CRIP2: variants seen among roughly 807,000 people sequenced by gnomAD.
The protein encoded by CRIP2 is cysteine rich protein 2, also known as cysteine-rich protein 2.
Under a neutral mutation model 31.3 loss-of-function variants are expected in CRIP2, and 31 were observed. That is an observed-to-expected ratio of 0.99 (90% CI 0.74 to 1.34). The LOEUF is 1.34. Ranked by LOEUF, CRIP2 falls within the 40% of genes most tolerant of loss-of-function variation. The probability of loss-of-function intolerance (pLI) is 0.00; values close to 1 mark genes in which losing one functional copy is unlikely to be tolerated. For missense variants in CRIP2, 389 were observed against 301.6 expected, an observed-to-expected ratio of 1.29 and a Z score of -2.15; for synonymous variants, 177 against 127.2, an observed-to-expected ratio of 1.39 and a Z score of -2.63.
intron 5 of CRIP2, 28 bp from the exon 6 acceptor site, chr14:105,479,097 G>C: frequency 6.2e-7 from 1 of 1,605,474 alleles, no homozygotes; most frequent in Non-Finnish European, 8.5e-7. Context: ...CCGCCCCGGG[G>C]CTCGGCCTCA....
rs1555436314 is a variant in CRIP2, at chr14:105,478,239, G to A, written c.44-27G>A. ...GGGGTGCGGGGCGCGCCCCGGCCCT[G>A]ACCCCCCTGCCGCCCCTCCCGCTCA... On this transcript the variant is annotated intron_variant, in intron 1 of 7. Transcript: ENST00000329146. The surrounding 1 kb of genome is among the most constrained non-coding windows in gnomAD (Gnocchi z 4.9). 7 of 1,506,142 alleles carry A rather than the reference G, an allele frequency of 4.6e-6. No individual in the cohort carries two copies. Among genetic ancestry groups the A allele is most frequent in the South Asian group, 2.5e-5 (2 of 81,170 alleles). The allele number at this position is 1,506,142 out of a possible 1,614,324, so 93.3% of individuals were successfully genotyped here. A position where few individuals can be genotyped will look rare whatever the true frequency, so the allele number is the denominator to read the frequency against.
At chr14:105,474,769 G>A, upstream of CRIP2, 1 of 1,155,740 alleles carries the variant, frequency 8.7e-7, no homozygotes, top group Non-Finnish European at 1.1e-6. The surrounding 1 kb of genome is among the most constrained non-coding windows in gnomAD (Gnocchi z 5.1). Context: ...GAGCCAATGG[G>A]CGCGCGGACA....
At chr14:105,479,264 G>A (rs1317463314) in intron 6 of CRIP2, 45 bp downstream of exon 6, 1 of 1,555,598 alleles carries the variant, frequency 6.4e-7, no homozygotes, top group Non-Finnish European at 8.7e-7. Flanking sequence ...AGGGGCGCGG[G>A]GTCGGGGGGA....
intron 1 of CRIP2, chr14:105,475,845 A>AG (rs2083920780): frequency 5.1e-6 from 5 of 985,324 alleles, no homozygotes; most frequent in Non-Finnish European, 6.0e-6. Context: ...TGCTGCACGA[A>AG]GGGGGGCAGA....
chr14:105,478,133 G>T lies in CRIP2; in HGVS notation c.44-133G>T. 1 of 676,430 alleles carries T rather than the reference G, an allele frequency of 1.5e-6. No individual in the cohort carries two copies. The highest frequency in any genetic ancestry group is 2.0e-5 in the South Asian group (1 of 49,808). 41.9% of individuals were successfully genotyped at this position (676,430 alleles called of 1,614,324 possible). A position where few individuals can be genotyped will look rare whatever the true frequency, so the allele number is the denominator to read the frequency against. On this transcript the variant is annotated intron_variant, in intron 1 of 7. Transcript: ENST00000329146. The surrounding 1 kb of genome is among the most constrained non-coding windows in gnomAD (Gnocchi z 4.9). ...AAGGAGGGGCAGGGCCCGCCAGGTG[G>T]AAGGAAGGCGCCTGGGAGACCTCCT... is the stretch of plus-strand genomic sequence containing the variant.
upstream of CRIP2, chr14:105,473,644 C>A (rs1046928757): frequency 4.9e-6 from 6 of 1,217,278 alleles, no homozygotes; most frequent in African/African-American, 9.1e-5. Context: ...TCAGCTGGGG[C>A]CAGAAGGCTC....
rs587702966 is a variant in CRIP2, at chr14:105,479,688, G to A, written c.*35G>A. The A allele has an allele frequency of 9.4e-6, 15 of 1,596,706 alleles. No homozygotes were observed. In the East Asian group the frequency reaches 1.1e-4, roughly 12 times the overall value. The stretch of plus-strand genomic sequence containing the variant: ...GCTCTCATGATGTGGGCTCACCTGC[G>A]CCCCAGACCCTGCAGGGGCCCCCCT... On this transcript the variant is annotated 3_prime_UTR_variant, in exon 8 of 8. Transcript: ENST00000329146.
chr14:105,478,602 C>A lies in CRIP2; in HGVS notation c.196+95C>A. On this transcript the variant is annotated intron_variant, in intron 3 of 7. Coordinates refer to ENST00000329146, the MANE Select transcript of CRIP2 (RefSeq NM_001312.4). The surrounding 1 kb of genome is among the most constrained non-coding windows in gnomAD (Gnocchi z 4.9). ...GCTGGGGGTCCCGGCCGCCGTGGAT[C>A]CCCGCCCAGAGTCCCTGCCACCCTG... 6.6e-7 allele frequency: 1 copy of A among 1,523,402 alleles called. No individual in the cohort carries two copies. The highest frequency in any genetic ancestry group is 1.2e-5 in the South Asian group (1 of 83,734). The allele number at this position is 1,523,402 out of a possible 1,614,324, so 94.4% of individuals were successfully genotyped here.
Position 105,478,871 on chromosome 14 carries a change from G to A in CRIP2, c.337G>A (p.Ala113Thr). 1 of 1,440,320 alleles carries A rather than the reference G, an allele frequency of 6.9e-7. No homozygotes were observed. Among genetic ancestry groups the A allele is most frequent in the Non-Finnish European group, 9.0e-7 (1 of 1,108,014 alleles). 89.2% of individuals were successfully genotyped at this position (1,440,320 alleles called of 1,614,324 possible). A position where few individuals can be genotyped will look rare whatever the true frequency, so the allele number is the denominator to read the frequency against. The change falls in exon 4 of 8, where the codon GCC (alanine) becomes ACC (threonine). Residue 113 changes from alanine to threonine, a missense_variant and splice_region_variant. Transcript: ENST00000329146. The surrounding 1 kb of genome is among the most constrained non-coding windows in gnomAD (Gnocchi z 4.9). ...CGGCCCCCCGAAGGGGCCCAGCAGA[G>A]GTGGGCTGGGCGCGGGCTGGGGCTG... ...ASGPPKGPSR[A>T]SSVTTFTGEP...
At position 105,478,426 on chromosome 14, in the gene CRIP2, C is replaced by G. The variant is rs587647248; in HGVS notation, c.139-24C>G. ...GACTCCCGCCACCCTCAGGCAGGGT[C>G]CTGACCCGCGCCCCTCTGCGCAGCA... On this transcript the variant is annotated intron_variant, in intron 2 of 7. Coordinates refer to ENST00000329146, the MANE Select transcript of CRIP2 (RefSeq NM_001312.4). This position sits in a 1 kb window ranked among gnomAD's most constrained non-coding sequence, Gnocchi z 4.9. 5.6e-6 allele frequency: 9 copies of G among 1,597,606 alleles called. No individual in the cohort carries two copies. Among genetic ancestry groups the G allele is most frequent in the African/African-American group, 1.3e-5 (1 of 74,740 alleles).
upstream of CRIP2, chr14:105,474,778 C>A: frequency 1.7e-6 from 2 of 1,179,300 alleles, no homozygotes; most frequent in East Asian, 8.4e-5. This position sits in a 1 kb window ranked among gnomAD's most constrained non-coding sequence, Gnocchi z 5.1. Context: ...GGCGCGCGGA[C>A]AGCCGGGCAG....
Position 105,479,854 on chromosome 14 carries a change from G to T in CRIP2, c.*201G>T. On this transcript the variant is annotated 3_prime_UTR_variant, in exon 8 of 8. Transcript: ENST00000329146. The stretch of plus-strand genomic sequence containing the variant: ...GTGTCTGCCCCCTCTGGCATCCTCT[G>T]GGCGTCCCATGATCCCTTCTGTGTC... 1.6e-6 allele frequency: 1 copy of T among 614,104 alleles called. No homozygotes were observed. The highest frequency in any genetic ancestry group is 2.9e-6 in the Non-Finnish European group (1 of 345,882). The allele number at this position is 614,104 out of a possible 1,614,324, so 38.0% of individuals were successfully genotyped here. A position where few individuals can be genotyped will look rare whatever the true frequency, so the allele number is the denominator to read the frequency against.
intron 1 of CRIP2, chr14:105,477,435 G>A: frequency 1.0e-6 from 1 of 985,190 alleles, no homozygotes; most frequent in Non-Finnish European, 1.2e-6. Flanking sequence ...ACGGGGCCTG[G>A]CCTTCCCATG....
chr14:105,473,491 G>A (rs1475531411), upstream of CRIP2: 1 of 1,535,570 alleles, frequency 6.5e-7, no homozygotes, highest in Non-Finnish European at 8.7e-7. Flanking sequence ...AACATGCCTG[G>A]TGCACCAGGC....
chr14:105,478,929 G>A lies in CRIP2; in HGVS notation c.338-50G>A, dbSNP rs1460615035. 3.3e-6 allele frequency: 5 copies of A among 1,527,526 alleles called. No individual in the cohort carries two copies. The highest frequency in any genetic ancestry group is 2.5e-5 in the East Asian group (1 of 40,582). 94.6% of individuals were successfully genotyped at this position (1,527,526 alleles called of 1,614,324 possible). A position where few individuals can be genotyped will look rare whatever the true frequency, so the allele number is the denominator to read the frequency against. The stretch of plus-strand genomic sequence containing the variant: ...TGGGCACGCGCGGGCTGGGGCTGGG[G>A]GTTGTGGGCACCCCCGGCCCCGCCC... On this transcript the variant is annotated intron_variant, in intron 4 of 7. Transcript: ENST00000329146. This position sits in a 1 kb window ranked among gnomAD's most constrained non-coding sequence, Gnocchi z 4.9.
In CRIP2 at chr14:105,478,440, C is replaced by T. The variant is rs369756498; in HGVS notation, c.139-10C>T. 3.7e-6 allele frequency: 6 copies of T among 1,602,544 alleles called. No individual in the cohort carries two copies. The highest frequency in any genetic ancestry group is 2.7e-5 in the African/African-American group (2 of 74,750). Reference sequence around the variant, plus strand: ...TCAGGCAGGGTCCTGACCCGCGCCCCTCTGCGCAGCATGACGGGAAGCCGT... The same window carrying T: ...TCAGGCAGGGTCCTGACCCGCGCCCTTCTGCGCAGCATGACGGGAAGCCGT... On this transcript the variant is annotated splice_polypyrimidine_tract_variant and intron_variant, in intron 2 of 7. Transcript: ENST00000329146. The surrounding 1 kb of genome is among the most constrained non-coding windows in gnomAD (Gnocchi z 4.9).
intron 1 of CRIP2, chr14:105,477,510 G>A (rs1359395984): frequency 4.1e-6 from 4 of 984,642 alleles, no homozygotes; most frequent in East Asian, 1.1e-4. Context: ...GCCCCATCAG[G>A]GCCCAGTTGG....
upstream of CRIP2, chr14:105,473,113 G>T: frequency 1.8e-6 from 2 of 1,122,800 alleles, no homozygotes; most frequent in Non-Finnish European, 2.5e-6. Flanking sequence ...AAGCTGGGCA[G>T]AACAGGGCAG....
At chr14:105,477,161 C>T (rs1341281154) in intron 1 of CRIP2, 5 of 559,838 alleles carry the variant, frequency 8.9e-6, no homozygotes, top group Admixed American at 6.4e-5. Context: ...TTCAGAATTC[C>T]GGCTCTGCTG....
Sources: allele counts gnomAD v4.1 joint callset, GRCh38; gene constraint gnomAD v4.1.1; non-coding constraint Gnocchi (gnomAD v3.1); transcripts MANE v1.5; gene names NCBI Gene and HGNC (gene_info 2026-07-23, HGNC 2026-07-21).